The following TSHR variants were observed in gnomAD, a reference collection of about 807,000 sequenced individuals.
The protein encoded by TSHR is thyroid stimulating hormone receptor.
A neutral mutation model predicts 64.1 loss-of-function variants in TSHR; 51 were observed. That is an observed-to-expected ratio of 0.80 (90% confidence interval 0.64 to 1.01). TSHR has a LOEUF of 1.01. Among genes scored for constraint, TSHR ranks in the 50% least tolerant of loss-of-function variants. The pLI, the probability that TSHR is intolerant of heterozygous loss-of-function variation, is 0.00. For missense variants in TSHR, 877 were observed against 942.8 expected (o/e 0.93, Z 0.91); for synonymous variants, 361 against 361.9 (o/e 1.00, Z 0.03).
intron 3 of TSHR, among the ~76,000 whole-genome samples, chr14:81,078,386 G>A (rs1009944567): frequency 2.6e-5 from 4 of 152,014 alleles, no homozygotes; most frequent in African/African-American, 4.8e-5. Flanking sequence ...AGTCGTATCC[G>A]TGTTATTATT....
intron 1 of TSHR, among the ~76,000 whole-genome samples, chr14:81,027,194 G>C (rs923475683): frequency 6.6e-6 from 1 of 152,030 alleles, no homozygotes; most frequent in Non-Finnish European, 1.5e-5. Context: ...CGAGAACACA[G>C]GGGAAATTGA....
intron 8 of TSHR, among the ~76,000 whole-genome samples, chr14:81,129,111 C>T (rs1168992686): frequency 1.3e-5 from 2 of 152,182 alleles, no homozygotes; most frequent in Non-Finnish European, 2.9e-5. Flanking sequence ...AGCTCCACTC[C>T]CCCAATAAGC....
chr14:81,039,975 C>T (rs190679780), intron 1 of TSHR, among the ~76,000 whole-genome samples: 1 of 151,918 alleles, frequency 6.6e-6, no homozygotes, highest in Non-Finnish European at 1.5e-5. Context: ...ACCCTAAATT[C>T]GTATGAAGCC....
At chr14:81,040,120 A>G (rs1490717896) in intron 1 of TSHR, among the ~76,000 whole-genome samples, 1 of 152,080 alleles carries the variant, frequency 6.6e-6, no homozygotes, top group African/African-American at 2.4e-5. Flanking sequence ...AAATAGACAC[A>G]TAGACCAATG....
chr14:81,144,671 AGC>A lies in TSHR; in HGVS notation c.*319_*320del. 2.6e-6 allele frequency: 1 copy of A among 380,750 alleles called. No individual in the cohort carries two copies. Among genetic ancestry groups the A allele is most frequent in the South Asian group, 4.2e-5 (1 of 24,072 alleles). The allele number at this position is 380,750 out of a possible 1,614,324, so 23.6% of individuals were successfully genotyped here. A position where few individuals can be genotyped will look rare whatever the true frequency, so the allele number is the denominator to read the frequency against. The stretch of plus-strand genomic sequence containing the variant: ...TAGGATGTTCAGTAAATATTAACTG[AGC>A]TATGTCAATATAGAGCTTCTCAGTT... On this transcript the variant is annotated 3_prime_UTR_variant, in exon 10 of 10. Coordinates refer to ENST00000298171, the MANE Select transcript of TSHR (RefSeq NM_000369.5).
intron 1 of TSHR, among the ~76,000 whole-genome samples, chr14:81,035,027 C>A (rs540389451): frequency 2.0e-5 from 3 of 151,662 alleles, no homozygotes; most frequent in African/African-American, 7.3e-5. Flanking sequence ...TCCCAAAAAA[C>A]AGGGAGGGTG....
intron 3 of TSHR, among the ~76,000 whole-genome samples, chr14:81,080,425 A>C (rs1280620156): frequency 6.6e-6 from 1 of 152,180 alleles, no homozygotes; most frequent in East Asian, 1.9e-4. Flanking sequence ...ATCCTTAAAT[A>C]ATCATGAAAG....
intron 1 of TSHR, among the ~76,000 whole-genome samples, chr14:80,988,470 C>T (rs1888580431): frequency 6.6e-6 from 1 of 152,138 alleles, no homozygotes; most frequent in South Asian, 2.1e-4. Flanking sequence ...GAGATCTACC[C>T]ACCATGATCT....
chr14:81,113,575 C>CT (rs80229957), intron 8 of TSHR, among the ~76,000 whole-genome samples: 10,468 of 151,980 alleles, frequency 0.069, 913 homozygotes, highest in East Asian at 0.23. Context: ...TTTCCCTGAT[C>CT]TTTTTTTAAA....
chr14:81,116,109 G>T (rs1454904150), intron 8 of TSHR, among the ~76,000 whole-genome samples: 1 of 151,988 alleles, frequency 6.6e-6, no homozygotes, highest in East Asian at 1.9e-4. Flanking sequence ...AGACTAGGAA[G>T]AAACTGCATC....
rs1290916925 is a variant in TSHR, at chr14:81,144,103, C to T, written c.2045C>T (p.Thr682Ile). 1.9e-6 allele frequency: 3 copies of T among 1,614,172 alleles called. No individual in the cohort carries two copies. The highest frequency in any genetic ancestry group is 1.1e-5 in the South Asian group (1 of 91,082). The change falls in exon 10 of 10, where the codon ACC becomes ATC. Residue 682 changes from threonine to isoleucine, a missense_variant. Coordinates refer to ENST00000298171, the MANE Select transcript of TSHR (RefSeq NM_000369.5). ...AATCCATTCCTCTATGCTATTTTCA[C>T]CAAGGCCTTCCAGAGGGATGTGTTC... ...CANPFLYAIF[T>I]KAFQRDVFIL... is the part of the protein sequence containing the mutation.
intron 1 of TSHR, among the ~76,000 whole-genome samples, chr14:81,021,179 G>A (rs538924980): frequency 2.0e-4 from 30 of 152,192 alleles, no homozygotes; most frequent in Middle Eastern, 3.4e-3. Flanking sequence ...CCAGTCTATG[G>A]AAAAATTGTC....
chr14:81,062,140 T>C lies in TSHR; in HGVS notation c.171-8T>C. Reference sequence around the variant, plus strand: ...AAAACTCTAATTATGTAACTGTTATTTTCACAGGAAGCTTATTGAGACTCA... The same window carrying C: ...AAAACTCTAATTATGTAACTGTTATCTTCACAGGAAGCTTATTGAGACTCA... On this transcript the variant is annotated splice_polypyrimidine_tract_variant and splice_region_variant and intron_variant, in intron 1 of 9. Coordinates refer to ENST00000298171, the MANE Select transcript of TSHR (RefSeq NM_000369.5). 6.2e-7 allele frequency: 1 copy of C among 1,608,996 alleles called. No homozygotes were observed.
chr14:81,068,164 G>T, intron 2 of TSHR, 90 bp from the exon 3 acceptor site: 1 of 1,191,628 alleles, frequency 8.4e-7, no homozygotes, highest in East Asian at 2.4e-5. Context: ...TCTGGGAAGC[G>T]CATAACAAAA....
intron 6 of TSHR, among the ~76,000 whole-genome samples, chr14:81,093,291 T>C (rs1306249246): frequency 1.3e-5 from 2 of 152,240 alleles, no homozygotes; most frequent in Non-Finnish European, 2.9e-5. Context: ...TGGTCAAAAG[T>C]AGATGCTTAA....
At chr14:81,019,567 G>T (rs186025940) in intron 1 of TSHR, among the ~76,000 whole-genome samples, 1 of 148,548 alleles carries the variant, frequency 6.7e-6, no homozygotes, top group Non-Finnish European at 1.5e-5. Context: ...CCATCAACCC[G>T]TCATCTACAT....
chr14:81,089,294 T>C (rs976100423), intron 4 of TSHR, among the ~76,000 whole-genome samples: 1 of 152,080 alleles, frequency 6.6e-6, no homozygotes, highest in Non-Finnish European at 1.5e-5. Context: ...GGCCAATAGT[T>C]GTATATTGAA....
intron 1 of TSHR, among the ~76,000 whole-genome samples, chr14:81,034,204 T>A (rs567198909): frequency 6.6e-6 from 1 of 152,368 alleles, no homozygotes; most frequent in East Asian, 1.9e-4. Flanking sequence ...TCATCCACCC[T>A]CTCTTTATCT....
chr14:81,029,679 G>C (rs1029667997), intron 1 of TSHR, among the ~76,000 whole-genome samples: 3 of 152,114 alleles, frequency 2.0e-5, no homozygotes, highest in African/African-American at 7.2e-5. Context: ...CTGGGAAACT[G>C]TTCTTCAGAC....
Sources: allele counts gnomAD v4.1 joint callset (sites outside exome capture counted in the v4.1 genomes callset), GRCh38; gene constraint gnomAD v4.1.1; transcripts MANE v1.5; gene names NCBI Gene and HGNC (gene_info 2026-07-23, HGNC 2026-07-21).